ERI3: variants seen among roughly 807,000 people sequenced by gnomAD.
ERI3 encodes ERI1 exoribonuclease 3.
In ERI3, 18 loss-of-function variants were observed where a neutral mutation model predicts 44.4. That is an observed-to-expected ratio of 0.41 (90% CI 0.28 to 0.60). The LOEUF is 0.60. Ranked by LOEUF, ERI3 falls within the 20% of genes least tolerant of loss-of-function variation. ERI3 has a pLI of 0.36. For synonymous variants in ERI3, 183 were observed against 164.8 expected, an observed-to-expected ratio of 1.11 and a Z score of -0.84; for missense variants, 294 against 435.5, an observed-to-expected ratio of 0.68 and a Z score of 2.89.
At chr1:44,352,336 G>C (rs1055348373) in intron 2 of ERI3, among the ~76,000 whole-genome samples, 1 of 152,186 alleles carries the variant, frequency 6.6e-6, no homozygotes, top group Non-Finnish European at 1.5e-5. Context: ...TGTAGCTCCA[G>C]CTACTTGTGG....
At chr1:44,268,595 T>C (rs1645033342) in intron 7 of ERI3, among the ~76,000 whole-genome samples, 1 of 152,092 alleles carries the variant, frequency 6.6e-6, no homozygotes. Context: ...CAGGGAAAGG[T>C]AAGGCACCCA....
chr1:44,258,692 T>C (rs1376035411), intron 7 of ERI3, among the ~76,000 whole-genome samples: 1 of 151,908 alleles, frequency 6.6e-6, no homozygotes, highest in Non-Finnish European at 1.5e-5. Context: ...GGGCCATAGG[T>C]GGGGCACCCA....
At chr1:44,354,469 AC>A in intron 1 of ERI3, 1 of 985,414 alleles carries the variant, frequency 1.0e-6, no homozygotes, top group South Asian at 4.7e-5. Context: ...CATTTGCAAG[AC>A]AGGCAAACAG....
chr1:44,353,007 C>T lies in ERI3; in HGVS notation c.136-82G>A, dbSNP rs536800762. On this transcript the variant is annotated intron_variant, in intron 1 of 8. Coordinates refer to ENST00000372257, the MANE Select transcript of ERI3 (RefSeq NM_024066.3). ...CCCATGAAGGATACTACACCTCAAA[C>T]TCTAAACTCAAACTTCGGGATAACT... 20 of 1,590,134 alleles carry T rather than the reference C, an allele frequency of 1.3e-5. No homozygotes were observed. The East Asian group carries it at 4.1e-4, about 32-fold the overall frequency.
At chr1:44,280,070 T>G (rs1254251560) in intron 7 of ERI3, among the ~76,000 whole-genome samples, 1 of 152,226 alleles carries the variant, frequency 6.6e-6, no homozygotes, top group Non-Finnish European at 1.5e-5. Context: ...CCATCTGATT[T>G]CAGATGATCT....
At chr1:44,336,693 C>T (rs1322950180) in intron 3 of ERI3, among the ~76,000 whole-genome samples, 1 of 152,314 alleles carries the variant, frequency 6.6e-6, no homozygotes, top group Non-Finnish European at 1.5e-5. Flanking sequence ...AGTAAACTAA[C>T]GGGTCTATAA....
chr1:44,287,545 T>C (rs549018075), intron 6 of ERI3, among the ~76,000 whole-genome samples: 185 of 152,354 alleles, frequency 1.2e-3, no homozygotes, highest in Admixed American at 2.0e-3. Flanking sequence ...TAACTACAAC[T>C]GGTCAGTTTC....
At chr1:44,323,486 T>C (rs574108112) in intron 3 of ERI3, among the ~76,000 whole-genome samples, 10 of 152,294 alleles carry the variant, frequency 6.6e-5, no homozygotes, top group African/African-American at 2.4e-4. Flanking sequence ...CATAAATCAA[T>C]ACTATTAAGC....
At chr1:44,270,531 AC>A (rs1250853645) in intron 7 of ERI3, among the ~76,000 whole-genome samples, 1 of 152,188 alleles carries the variant, frequency 6.6e-6, no homozygotes, top group Admixed American at 6.5e-5. Context: ...TCCCAAACAC[AC>A]CCAGCAGAGC....
At chr1:44,258,341 C>G (rs541185470) in intron 7 of ERI3, among the ~76,000 whole-genome samples, 1 of 152,258 alleles carries the variant, frequency 6.6e-6, no homozygotes, top group South Asian at 2.1e-4. Flanking sequence ...GCGGCACTAC[C>G]GCCACCACCA....
chr1:44,224,135 T>A (rs1643974721), intron 8 of ERI3, among the ~76,000 whole-genome samples: 1 of 152,168 alleles, frequency 6.6e-6, no homozygotes, highest in Non-Finnish European at 1.5e-5. Context: ...GATTTTCTCT[T>A]CTTCTCTGCC....
At chr1:44,246,874 T>A (rs971645142) in intron 8 of ERI3, among the ~76,000 whole-genome samples, 1 of 152,148 alleles carries the variant, frequency 6.6e-6, no homozygotes, top group Admixed American at 6.5e-5. Flanking sequence ...CCTTTGGTCC[T>A]GGTATTCTCT....
At chr1:44,287,149 C>G (rs977769647) in intron 6 of ERI3, among the ~76,000 whole-genome samples, 2 of 152,170 alleles carry the variant, frequency 1.3e-5, no homozygotes, top group Non-Finnish European at 2.9e-5. Flanking sequence ...AGCAAGATGA[C>G]AGCTGAGAAA....
At chr1:44,268,430 C>G (rs1371794082) in intron 7 of ERI3, among the ~76,000 whole-genome samples, 1 of 152,194 alleles carries the variant, frequency 6.6e-6, no homozygotes, top group African/African-American at 2.4e-5. Flanking sequence ...CATCTCTTCT[C>G]TAGTGCCCCA....
intron 7 of ERI3, among the ~76,000 whole-genome samples, chr1:44,253,549 C>T (rs1448217444): frequency 6.6e-6 from 1 of 152,198 alleles, no homozygotes; most frequent in Non-Finnish European, 1.5e-5. Context: ...AACACTATCT[C>T]CCATCTCACA....
At chr1:44,245,413 C>T (rs188877971) in intron 8 of ERI3, among the ~76,000 whole-genome samples, 2 of 152,296 alleles carry the variant, frequency 1.3e-5, no homozygotes, top group Admixed American at 1.3e-4. Flanking sequence ...CTGGTGCTGG[C>T]AACAGAGTAG....
chr1:44,292,407 C>A (rs184550911), intron 6 of ERI3, among the ~76,000 whole-genome samples: 2 of 152,302 alleles, frequency 1.3e-5, no homozygotes, highest in Non-Finnish European at 2.9e-5. Flanking sequence ...CCTCAACCGA[C>A]CACTTTATAT....
chr1:44,301,042 T>C (rs75371797), intron 6 of ERI3, among the ~76,000 whole-genome samples: 7,191 of 147,986 alleles, frequency 0.049, 194 homozygotes, highest in African/African-American at 0.066. Context: ...TTCATTTCCC[T>C]GTCTGTGGGT....
chr1:44,292,383 G>T (rs977340507), intron 6 of ERI3, among the ~76,000 whole-genome samples: 2 of 152,184 alleles, frequency 1.3e-5, no homozygotes, highest in East Asian at 3.9e-4. Flanking sequence ...GACACAAAAT[G>T]AGAGAGCTTT....
Sources: gnomAD v4.1 joint callset for allele counts (sites outside exome capture counted in the v4.1 genomes callset) on GRCh38, gnomAD v4.1.1 for gene constraint, MANE v1.5 for transcripts, NCBI Gene and HGNC (gene_info 2026-07-23, HGNC 2026-07-21) for gene names.